The following TNR variants were observed in gnomAD, a reference collection of about 807,000 sequenced individuals.
TNR encodes tenascin R.
In TNR, 45 loss-of-function variants were observed where a neutral mutation model predicts 150.4. The observed-to-expected ratio is 0.30, with a 90% confidence interval of 0.24 to 0.38. The LOEUF (loss-of-function observed/expected upper bound fraction) is 0.38. Ranked by LOEUF, TNR falls within the 10% of genes least tolerant of loss-of-function variation. The pLI, the probability that TNR is intolerant of heterozygous loss-of-function variation, is 1.00. For synonymous variants in TNR, 687 were observed against 678.4 expected (o/e 1.01, Z -0.20); for missense variants, 1,544 against 1,759.1 (o/e 0.88, Z 2.19).
intron 1 of TNR, among the ~76,000 whole-genome samples, chr1:175,741,648 A>C (rs150239904): frequency 6.6e-6 from 1 of 152,092 alleles, no homozygotes. Flanking sequence ...ACTTCCTGCC[A>C]CTCTAGGGAG....
At chr1:175,570,966 C>T (rs1661843085) in intron 1 of TNR, among the ~76,000 whole-genome samples, 1 of 152,146 alleles carries the variant, frequency 6.6e-6, no homozygotes, top group Admixed American at 6.5e-5. Context: ...TGTTGACATT[C>T]CTTGAGGTGC....
At position 175,323,297 on chromosome 1, in the gene TNR, C is replaced by T; in HGVS notation, c.*60G>A. 1 of 1,596,440 alleles carries T rather than the reference C, an allele frequency of 6.3e-7. No individual in the cohort carries two copies. The highest frequency in any genetic ancestry group is 8.6e-7 in the Non-Finnish European group (1 of 1,169,006). On this transcript the variant is annotated 3_prime_UTR_variant, in exon 23 of 23. Coordinates refer to ENST00000367674, the MANE Select transcript of TNR (RefSeq NM_003285.3). Reference sequence around the variant, plus strand: ...TTGCTATTACCCTCCCCCCTTGTTTCATATTATAAAATACAAACAAATGAC... The same window carrying T: ...TTGCTATTACCCTCCCCCCTTGTTTTATATTATAAAATACAAACAAATGAC...
chr1:175,396,412 G>A, intron 5 of TNR, 132 bp downstream of exon 5: 1 of 1,183,766 alleles, frequency 8.4e-7, no homozygotes, highest in Non-Finnish European at 1.2e-6. Flanking sequence ...CACATCTCTA[G>A]CCCTTCCCCT....
chr1:175,672,226 C>T (rs1386104631), intron 1 of TNR, among the ~76,000 whole-genome samples: 4 of 152,240 alleles, frequency 2.6e-5, no homozygotes, highest in African/African-American at 9.6e-5. Flanking sequence ...AGCACAGGCA[C>T]TCAACAAATG....
intron 2 of TNR, among the ~76,000 whole-genome samples, chr1:175,463,374 A>G (rs763926042): frequency 7.9e-5 from 12 of 152,186 alleles, no homozygotes; most frequent in Non-Finnish European, 1.3e-4. Context: ...CACCCTTTCA[A>G]TGTATGAACT....
chr1:175,622,414 T>G (rs1161989031), intron 1 of TNR, among the ~76,000 whole-genome samples: 8 of 152,228 alleles, frequency 5.3e-5, no homozygotes, highest in Admixed American at 3.3e-4. Context: ...TCTGGCCACA[T>G]TGCTTTTCAT....
chr1:175,519,908 T>C (rs1659566618), intron 2 of TNR, among the ~76,000 whole-genome samples: 1 of 152,200 alleles, frequency 6.6e-6, no homozygotes, highest in Non-Finnish European at 1.5e-5. Flanking sequence ...TCATTCAGGG[T>C]AGTGCTTGTG....
At chr1:175,492,982 G>A (rs375810777) in intron 2 of TNR, among the ~76,000 whole-genome samples, 45 of 152,262 alleles carry the variant, frequency 3.0e-4, no homozygotes, top group Admixed American at 1.3e-3. Flanking sequence ...CAGGCAATAC[G>A]AGGAGCAGGA....
chr1:175,514,507 C>T (rs909526167), intron 2 of TNR, among the ~76,000 whole-genome samples: 3 of 152,194 alleles, frequency 2.0e-5, no homozygotes, highest in African/African-American at 7.2e-5. Flanking sequence ...CAACAGGAAA[C>T]CAATACACAG....
intron 1 of TNR, among the ~76,000 whole-genome samples, chr1:175,555,452 G>A (rs939779999): frequency 2.7e-5 from 4 of 150,320 alleles, no homozygotes; most frequent in Non-Finnish European, 5.9e-5. Flanking sequence ...GTTGATGAAT[G>A]TGTGGCTCGC....
chr1:175,493,031 A>G (rs574099126), intron 2 of TNR, among the ~76,000 whole-genome samples: 10 of 152,056 alleles, frequency 6.6e-5, no homozygotes, highest in Middle Eastern at 3.4e-3. Context: ...AAGGAGGGAG[A>G]GTGGACTTGG....
chr1:175,691,802 C>T (rs1443073513), intron 1 of TNR, among the ~76,000 whole-genome samples: 19 of 152,150 alleles, frequency 1.2e-4, no homozygotes, highest in Admixed American at 1.2e-3. Flanking sequence ...GGCTCATTCT[C>T]TCCCTAGCTG....
chr1:175,601,394 G>A lies in TNR; in HGVS notation c.-164-73025C>T, dbSNP rs538103005. On this transcript the variant is annotated intron_variant, in intron 1 of 22. Transcript: ENST00000367674. Reference sequence around the variant, plus strand: ...TGTTTGCATGTCTTTGGGGGACTTAGTGTGTGATCCACAGACTTCTAGTCA... The same window carrying A: ...TGTTTGCATGTCTTTGGGGGACTTAATGTGTGATCCACAGACTTCTAGTCA... 8.5e-5 allele frequency among the ~76,000 whole-genome samples: 13 copies of A among 152,308 alleles called. No individual in the cohort carries two copies. In the South Asian group the frequency reaches 2.7e-3, roughly 32 times the overall value.
chr1:175,420,932 A>G (rs1349809684), intron 2 of TNR, among the ~76,000 whole-genome samples: 1 of 152,256 alleles, frequency 6.6e-6, no homozygotes, highest in Non-Finnish European at 1.5e-5. Context: ...ATTTAAAAAA[A>G]TAATAAAGGT....
intron 2 of TNR, among the ~76,000 whole-genome samples, chr1:175,413,908 G>A (rs768284008): frequency 2.0e-5 from 3 of 152,206 alleles, no homozygotes; most frequent in East Asian, 3.8e-4. Flanking sequence ...CAAGGCAGGT[G>A]TATTGCTTGA....
At chr1:175,639,337 C>A (rs1664581570) in intron 1 of TNR, among the ~76,000 whole-genome samples, 1 of 152,136 alleles carries the variant, frequency 6.6e-6, no homozygotes, top group African/African-American at 2.4e-5. Flanking sequence ...AGTAAAATTT[C>A]TATACATCTC....
chr1:175,416,133 C>CACACAG (rs1654430963), intron 2 of TNR, among the ~76,000 whole-genome samples: 1 of 151,554 alleles, frequency 6.6e-6, no homozygotes, highest in Non-Finnish European at 1.5e-5. Context: ...TATATATACA[C>CACACAG]ACACACACAC....
At chr1:175,426,943 ATATATATAT>A (rs200672679) in intron 2 of TNR, among the ~76,000 whole-genome samples, 1 of 72,284 alleles carries the variant, frequency 1.4e-5, no homozygotes, top group Non-Finnish European at 2.8e-5. Context: ...AAAATATATT[ATATATATAT>A]TATATATAAA....
At chr1:175,520,622 C>T (rs898507046) in intron 2 of TNR, among the ~76,000 whole-genome samples, 1 of 152,088 alleles carries the variant, frequency 6.6e-6, no homozygotes, top group Non-Finnish European at 1.5e-5. Flanking sequence ...GGCCACATAG[C>T]CAAGGATACA....
Sources: gnomAD v4.1 joint callset for allele counts (sites outside exome capture counted in the v4.1 genomes callset) on GRCh38, gnomAD v4.1.1 for gene constraint, MANE v1.5 for transcripts, NCBI Gene and HGNC (gene_info 2026-07-23, HGNC 2026-07-21) for gene names.